The following CARMIL1 variants were observed in gnomAD, a reference collection of about 807,000 sequenced individuals.
CARMIL1 encodes capping protein regulator and myosin 1 linker 1.
CARMIL1 carries 90 observed loss-of-function variants against 177.1 expected under a neutral mutation model. That is an observed-to-expected ratio of 0.51 (90% CI 0.43 to 0.61). The LOEUF (loss-of-function observed/expected upper bound fraction) is 0.61, where lower values mean the gene tolerates loss of function less well. Among genes scored for constraint, CARMIL1 ranks in the 20% least tolerant of loss-of-function variants. CARMIL1 has a pLI of 0.00. For synonymous variants in CARMIL1, 577 were observed against 606.2 expected (o/e 0.95, Z 0.71); for missense variants, 1,380 against 1,667.0 (o/e 0.83, Z 3.00).
At chr6:25,340,518 A>G (rs1041546096) in intron 2 of CARMIL1, among the ~76,000 whole-genome samples, 40 of 152,224 alleles carry the variant, frequency 2.6e-4, no homozygotes, top group African/African-American at 9.7e-4. Context: ...ACACTTAAAG[A>G]GACCAAAGAG....
At chr6:25,402,311 A>G (rs1223260801) in intron 2 of CARMIL1, among the ~76,000 whole-genome samples, 1 of 152,214 alleles carries the variant, frequency 6.6e-6, no homozygotes, top group Non-Finnish European at 1.5e-5. Flanking sequence ...GCGTCAAGGA[A>G]GAAAATCCCA....
chr6:25,612,776 A>G (rs765087849), intron 36 of CARMIL1: 2 of 985,302 alleles, frequency 2.0e-6, no homozygotes, highest in Non-Finnish European at 2.4e-6. Context: ...CATTCAGATC[A>G]TGACAGTGGC....
intron 6 of CARMIL1, 40 bp from the exon 7 acceptor site, chr6:25,450,299 T>G (rs766114592): frequency 5.8e-5 from 82 of 1,423,892 alleles, no homozygotes; most frequent in Non-Finnish European, 8.0e-5. Context: ...TAAACATCAT[T>G]TTGCCAAAGA....
chr6:25,449,535 G>T (rs888236156), intron 5 of CARMIL1, among the ~76,000 whole-genome samples: 2 of 152,180 alleles, frequency 1.3e-5, no homozygotes, highest in African/African-American at 4.8e-5. Flanking sequence ...GGACAGAAGA[G>T]ATTTTTACTT....
chr6:25,406,843 A>T (rs554832839), intron 2 of CARMIL1, among the ~76,000 whole-genome samples: 25 of 152,330 alleles, frequency 1.6e-4, no homozygotes, highest in Admixed American at 5.2e-4. Flanking sequence ...AATAGATCTG[A>T]TGATCGGAGG....
intron 4 of CARMIL1, among the ~76,000 whole-genome samples, 163 bp from the exon 5 acceptor site, chr6:25,435,320 G>A (rs10946781): frequency 0.032 from 4,906 of 152,134 alleles, 187 homozygotes; most frequent in African/African-American, 0.095. Flanking sequence ...GGGTGTTCAC[G>A]CACGTATGTG....
At chr6:25,305,339 T>C (rs1443145774) in intron 2 of CARMIL1, among the ~76,000 whole-genome samples, 1 of 152,244 alleles carries the variant, frequency 6.6e-6, no homozygotes, top group Non-Finnish European at 1.5e-5. Flanking sequence ...TTTAGAATTT[T>C]AGGAGAAAAG....
chr6:25,323,395 G>A (rs1338678787), intron 2 of CARMIL1, among the ~76,000 whole-genome samples: 1 of 143,492 alleles, frequency 7.0e-6, no homozygotes, highest in East Asian at 2.0e-4. Context: ...ACCAGCCTAG[G>A]CAACAGAGCG....
At chr6:25,527,042 GT>G in intron 23 of CARMIL1, among the ~76,000 whole-genome samples, 1 of 152,226 alleles carries the variant, frequency 6.6e-6, no homozygotes, top group Admixed American at 6.5e-5. Context: ...GATTTTTTGT[GT>G]TTCGTTTTTG....
At chr6:25,431,124 C>A (rs1173760344) in intron 4 of CARMIL1, among the ~76,000 whole-genome samples, 1 of 152,172 alleles carries the variant, frequency 6.6e-6, no homozygotes, top group Non-Finnish European at 1.5e-5. Flanking sequence ...ACTAACTCGT[C>A]ATTTAACAAC....
chr6:25,486,225 A>G (rs1802641425), intron 12 of CARMIL1, among the ~76,000 whole-genome samples: 1 of 152,156 alleles, frequency 6.6e-6, no homozygotes, highest in African/African-American at 2.4e-5. Context: ...CTATACTTTT[A>G]TAATTCTCCA....
At chr6:25,459,269 T>TCTCTCTCTCTCTCTCTTTCTTTC (rs56094712) in intron 8 of CARMIL1, among the ~76,000 whole-genome samples, 1 of 118,170 alleles carries the variant, frequency 8.5e-6, no homozygotes, top group African/African-American at 3.2e-5. Context: ...TTTCTTTCTT[T>TCTCTCTCTCTCTCTCTTTCTTTC]TTTTTTTTTT....
chr6:25,500,683 C>T (rs892073087), intron 17 of CARMIL1, among the ~76,000 whole-genome samples: 1 of 152,040 alleles, frequency 6.6e-6, no homozygotes, highest in Non-Finnish European at 1.5e-5. Flanking sequence ...AATTAACATA[C>T]CTCTAGAAAG....
chr6:25,328,628 C>A (rs1221015459), intron 2 of CARMIL1, among the ~76,000 whole-genome samples: 2 of 152,136 alleles, frequency 1.3e-5, no homozygotes, highest in Non-Finnish European at 2.9e-5. Flanking sequence ...TTTTGCTATA[C>A]AAGCTTAGGA....
chr6:25,402,598 T>A (rs1053010199), intron 2 of CARMIL1, among the ~76,000 whole-genome samples: 2 of 152,216 alleles, frequency 1.3e-5, no homozygotes, highest in Non-Finnish European at 2.9e-5. Context: ...GTGTAGTGAT[T>A]TTTTCTTCTT....
intron 2 of CARMIL1, among the ~76,000 whole-genome samples, chr6:25,333,931 G>C (rs1321184852): frequency 6.6e-6 from 1 of 152,190 alleles, no homozygotes; most frequent in Non-Finnish European, 1.5e-5. Flanking sequence ...TTGGCTCAGA[G>C]ATTTTCTCAG....
chr6:25,526,314 G>C (rs1370382839), intron 23 of CARMIL1, among the ~76,000 whole-genome samples: 2 of 151,606 alleles, frequency 1.3e-5, no homozygotes, highest in Non-Finnish European at 2.9e-5. Context: ...CTGCCCTCCA[G>C]CCTGGGCGAC....
chr6:25,616,809 A>T (rs999917843), intron 36 of CARMIL1, among the ~76,000 whole-genome samples: 2 of 152,200 alleles, frequency 1.3e-5, no homozygotes, highest in Admixed American at 6.5e-5. Flanking sequence ...AGTTGTTCAC[A>T]TTAGGGATCT....
intron 32 of CARMIL1, among the ~76,000 whole-genome samples, chr6:25,595,596 C>T (rs139252706): frequency 6.6e-6 from 1 of 152,246 alleles, no homozygotes; most frequent in East Asian, 1.9e-4. Context: ...TGTGGGACTG[C>T]TCCTCCCACC....
Sources: gnomAD v4.1 joint callset for allele counts (sites outside exome capture counted in the v4.1 genomes callset) on GRCh38, gnomAD v4.1.1 for gene constraint, MANE v1.5 for transcripts, NCBI Gene and HGNC (gene_info 2026-07-23, HGNC 2026-07-21) for gene names.